Variants in DHRSX observed in about 807,000 individuals in gnomAD.
DHRSX encodes the protein dehydrogenase/reductase X-linked.
In DHRSX, 31 loss-of-function variants were observed where a neutral mutation model predicts 34.0. The observed-to-expected ratio is 0.91, with a 90% CI of 0.69 to 1.23. DHRSX has a LOEUF of 1.23. Ranked by LOEUF, DHRSX falls within the 50% of genes most tolerant of loss-of-function variation. The probability of loss-of-function intolerance (pLI) is 0.00; values close to 1 mark genes in which losing one functional copy is unlikely to be tolerated. For missense variants in DHRSX, 414 were observed against 428.1 expected (o/e 0.97, Z 0.29); for synonymous variants, 201 against 183.8 (o/e 1.09, Z -0.76).
chrX:2,344,888 T>TATATATATATATATATATATATATAC (rs2042683760), intron 3 of DHRSX, among the ~76,000 whole-genome samples: 1 of 122,168 alleles, frequency 8.2e-6, no homozygotes, highest in Non-Finnish European at 1.7e-5. Flanking sequence ...TATATATATA[T>TATATATATATATATATATATATATAC]ATATATATAT....
At chrX:2,251,402 CTTT>C (rs1040475353) in intron 5 of DHRSX, among the ~76,000 whole-genome samples, 1 of 152,174 alleles carries the variant, frequency 6.6e-6, no homozygotes, top group Non-Finnish European at 1.5e-5. Context: ...TGTTCCTCTT[CTTT>C]ATCTAAAAGT....
At chrX:2,388,987 G>C (rs1014955171) in intron 3 of DHRSX, among the ~76,000 whole-genome samples, 1 of 152,202 alleles carries the variant, frequency 6.6e-6, no homozygotes, top group Non-Finnish European at 1.5e-5. Context: ...CAAGCCTACC[G>C]ACACGGTGAC....
intron 3 of DHRSX, among the ~76,000 whole-genome samples, chrX:2,301,879 G>T (rs900753959): frequency 6.6e-6 from 1 of 152,030 alleles, no homozygotes; most frequent in Non-Finnish European, 1.5e-5. Flanking sequence ...CTTGTGATCT[G>T]CCCGCCTCGG....
At chrX:2,463,667 C>G (rs1198062057) in intron 1 of DHRSX, among the ~76,000 whole-genome samples, 1 of 152,058 alleles carries the variant, frequency 6.6e-6, no homozygotes, top group African/African-American at 2.4e-5. Flanking sequence ...GGAATGAATG[C>G]GGTCAGGACG....
chrX:2,449,187 CT>C, intron 1 of DHRSX, among the ~76,000 whole-genome samples: 1 of 84,752 alleles, frequency 1.2e-5, no homozygotes, highest in Admixed American at 1.0e-4. Context: ...AAAACTCTGT[CT>C]CAAAAAAAAA....
At chrX:2,341,624 A>G (rs1447348566) in intron 3 of DHRSX, among the ~76,000 whole-genome samples, 2 of 147,134 alleles carry the variant, frequency 1.4e-5, no homozygotes, top group African/African-American at 5.1e-5. Context: ...ATAAAAAATC[A>G]CATGTACAGA....
chrX:2,230,684 CACTT>C (rs1569477175), intron 6 of DHRSX, among the ~76,000 whole-genome samples: 1 of 152,150 alleles, frequency 6.6e-6, no homozygotes, highest in African/African-American at 2.4e-5. Context: ...CAAACACTGA[CACTT>C]ACTAGAAAAG....
chrX:2,496,304 T>C (rs1031543739), intron 1 of DHRSX, among the ~76,000 whole-genome samples: 7 of 152,236 alleles, frequency 4.6e-5, no homozygotes, highest in African/African-American at 1.4e-4. Flanking sequence ...GTTCACACCA[T>C]TCTCCTGCCT....
chrX:2,379,173 T>C (rs186391266), intron 3 of DHRSX, among the ~76,000 whole-genome samples: 4 of 151,934 alleles, frequency 2.6e-5, no homozygotes, highest in African/African-American at 9.7e-5. Flanking sequence ...CCCCTAACCC[T>C]CACGTGGCTT....
At chrX:2,242,865 A>T in intron 6 of DHRSX, 158 bp downstream of exon 6, 1 of 239,722 alleles carries the variant, frequency 4.2e-6, no homozygotes, top group Non-Finnish European at 6.7e-6. Flanking sequence ...TTACTCCTCT[A>T]CCTTCTCAAT....
At chrX:2,395,984 G>A in intron 3 of DHRSX, among the ~76,000 whole-genome samples, 1 of 152,260 alleles carries the variant, frequency 6.6e-6, no homozygotes, top group East Asian at 1.9e-4. Context: ...TGGCTCTGGA[G>A]ACCAAAAGTC....
intron 6 of DHRSX, among the ~76,000 whole-genome samples, chrX:2,226,228 A>C (rs2015658040): frequency 6.6e-6 from 1 of 152,152 alleles, no homozygotes; most frequent in Non-Finnish European, 1.5e-5. Flanking sequence ...CTTTTCCAGG[A>C]AACAGGCAAT....
chrX:2,467,428 G>A (rs1051915521), intron 1 of DHRSX, among the ~76,000 whole-genome samples: 9 of 152,154 alleles, frequency 5.9e-5, no homozygotes, highest in African/African-American at 1.4e-4. Flanking sequence ...TCAGGAACGC[G>A]GCACAGTCAG....
intron 2 of DHRSX, among the ~76,000 whole-genome samples, chrX:2,411,472 C>G (rs1213475964): frequency 1.3e-5 from 2 of 150,344 alleles, no homozygotes. Context: ...TTGCTTGAAC[C>G]AGGACCCGGG....
chrX:2,428,467 G>T (rs765871477), intron 1 of DHRSX, among the ~76,000 whole-genome samples: 23 of 152,270 alleles, frequency 1.5e-4, no homozygotes, highest in Admixed American at 3.3e-4. Flanking sequence ...CATGTCCTTT[G>T]CAGGGACATG....
intron 6 of DHRSX, among the ~76,000 whole-genome samples, chrX:2,225,355 C>T (rs1178722402): frequency 6.6e-6 from 1 of 151,098 alleles, no homozygotes; most frequent in African/African-American, 2.4e-5. Flanking sequence ...TACGCACATA[C>T]ACATGCACAC....
At chrX:2,271,009 G>A (rs1569482370) in intron 4 of DHRSX, among the ~76,000 whole-genome samples, 2 of 152,168 alleles carry the variant, frequency 1.3e-5, no homozygotes, top group African/African-American at 4.8e-5. Context: ...CCAAATAAGG[G>A]AATAAAAGCT....
intron 1 of DHRSX, among the ~76,000 whole-genome samples, chrX:2,492,506 A>G (rs1000838211): frequency 3.5e-4 from 54 of 152,150 alleles, no homozygotes; most frequent in Non-Finnish European, 7.3e-4. Context: ...AAAGCCCAGG[A>G]TGTGGAATGA....
At chrX:2,398,746 T>C (rs2043445580) in intron 3 of DHRSX, among the ~76,000 whole-genome samples, 1 of 149,340 alleles carries the variant, frequency 6.7e-6, no homozygotes, top group African/African-American at 2.5e-5. Flanking sequence ...CTCGGCTCAC[T>C]GAAAACTCCG....
Sources: allele counts gnomAD v4.1 joint callset (sites outside exome capture counted in the v4.1 genomes callset), GRCh38; gene constraint gnomAD v4.1.1; transcripts MANE v1.5; gene names NCBI Gene and HGNC (gene_info 2026-07-23, HGNC 2026-07-21).